ANKRD28: variants seen among roughly 807,000 people sequenced by gnomAD.
ANKRD28 encodes serine/threonine-protein phosphatase 6 regulatory ankyrin repeat subunit A.
ANKRD28 carries 44 observed loss-of-function variants against 126.5 expected under a neutral mutation model. The observed-to-expected ratio is 0.35, with a 90% CI of 0.27 to 0.45. The LOEUF is 0.45. Ranked by LOEUF, ANKRD28 falls within the 20% of genes least tolerant of loss-of-function variation. ANKRD28 has a pLI of 1.00. For synonymous variants in ANKRD28, 442 were observed against 468.5 expected, an observed-to-expected ratio of 0.94 and a Z score of 0.73; for missense variants, 1,110 against 1,316.6, an observed-to-expected ratio of 0.84 and a Z score of 2.43.
chr3:15,770,659 T>C (rs1575611748), intron 2 of ANKRD28, among the ~76,000 whole-genome samples: 2 of 152,290 alleles, frequency 1.3e-5, no homozygotes, highest in South Asian at 4.1e-4. Flanking sequence ...CAGAACACTT[T>C]TTTTCATGGT....
chr3:15,734,802 A>G (rs1181083738), intron 6 of ANKRD28, among the ~76,000 whole-genome samples: 1 of 152,192 alleles, frequency 6.6e-6, no homozygotes, highest in African/African-American at 2.4e-5. Flanking sequence ...GCAAGAACCA[A>G]TTAATGTTTC....
rs879319232 is a variant in ANKRD28 at position 15,668,355 on chromosome 3, A to AT, written c.*1914dup. ...TATGTATACTTTTAGAATCTGCTTG[A>AT]TTTTTTTTTTTTTCAAAAGGTACAA... On this transcript the variant is annotated 3_prime_UTR_variant, in exon 28 of 28. Transcript: ENST00000683139. 3,748 of 145,088 alleles carry AT rather than the reference A, an allele frequency of 0.026. 136 individuals are homozygous for AT. Among genetic ancestry groups the AT allele is most frequent in the African/African-American group, 0.082 (3,254 of 39,926 alleles). 9.0% of individuals were successfully genotyped at this position (145,088 alleles called of 1,614,324 possible).
At chr3:15,717,830 C>CGTAG (rs1264820173) in intron 8 of ANKRD28, among the ~76,000 whole-genome samples, 2 of 152,148 alleles carry the variant, frequency 1.3e-5, no homozygotes, top group African/African-American at 4.8e-5. Flanking sequence ...TTACCTCTAC[C>CGTAG]ACTTTGCAGG....
chr3:15,674,543 C>A lies in ANKRD28; in HGVS notation c.2965+1355G>T, dbSNP rs368662395. 5.3e-5 allele frequency among the ~76,000 whole-genome samples: 8 copies of A among 152,204 alleles called. No homozygotes were observed. The East Asian group carries it at 1.3e-3, about 26-fold the overall frequency. On this transcript the variant is annotated intron_variant, in intron 27 of 27. Transcript: ENST00000683139. ...TTATCAGACATCCACATGGATGTGT[C>A]AATTAGGCACGTGGATATATAGAGA...
In ANKRD28 at chr3:15,712,225, A is replaced by C; in HGVS notation, c.1191-3T>G. 6.4e-7 allele frequency: 1 copy of C among 1,572,454 alleles called. No homozygotes were observed. Among genetic ancestry groups the C allele is most frequent in the Non-Finnish European group, 8.6e-7 (1 of 1,157,514 alleles). The stretch of plus-strand genomic sequence containing the variant: ...GGAACATTCCATGTATGCCACGCCT[A>C]AAGTTAATAGAACAGGACAGTATCT... On this transcript the variant is annotated splice_polypyrimidine_tract_variant and splice_region_variant and intron_variant, in intron 10 of 27. Transcript: ENST00000683139.
At chr3:15,752,080 G>C (rs1303537125) in intron 3 of ANKRD28, among the ~76,000 whole-genome samples, 1 of 151,918 alleles carries the variant, frequency 6.6e-6, no homozygotes, top group African/African-American at 2.4e-5. Flanking sequence ...GGTTAGAAAA[G>C]CCACCTTTAT....
At chr3:15,714,743 TA>T (rs1275575840) in intron 8 of ANKRD28, 87 bp from the exon 9 acceptor site, 1 of 847,860 alleles carries the variant, frequency 1.2e-6, no homozygotes, top group Non-Finnish European at 1.7e-6. Flanking sequence ...CTTGCATCTT[TA>T]TTTTTATAAC....
intron 14 of ANKRD28, among the ~76,000 whole-genome samples, chr3:15,705,766 C>T (rs970080042): frequency 1.3e-5 from 2 of 152,122 alleles, no homozygotes; most frequent in South Asian, 4.1e-4. Context: ...TTTTGGAAGG[C>T]CAAGGTGGGC....
Position 15,796,436 on chromosome 3 carries a change from GATTT to G in ANKRD28, c.82_85del (p.Lys28ProfsTer29), listed in dbSNP as rs1171101749. The G allele has an allele frequency of 7.8e-7, 1 of 1,288,002 alleles. No homozygotes were observed. The highest frequency in any genetic ancestry group is 2.3e-5 in the Admixed American group (1 of 43,466). The allele number at this position is 1,288,002 out of a possible 1,614,324, so 79.8% of individuals were successfully genotyped here. Reference sequence around the variant, plus strand: ...ATTTCCAGAAGGTGGAGAATGTAGGGATTTATTTTCCTGTGGCAATTTAGAAATG... The same window carrying G: ...ATTTCCAGAAGGTGGAGAATGTAGGGATTTTCCTGTGGCAATTTAGAAATG... On this transcript the variant is annotated frameshift_variant, in exon 1 of 28. Coordinates refer to ENST00000683139, the MANE Select transcript of ANKRD28 (RefSeq NM_001349278.2). LOFTEE classifies it high-confidence loss of function.
Position 15,797,569 on chromosome 3 carries a change from A to AAGG in ANKRD28, c.-1049_-1048insCCT, listed in dbSNP as rs1553639205. The AAGG allele has an allele frequency of 1.0e-5, 10 of 981,258 alleles. No individual in the cohort carries two copies. The African/African-American group carries it at 1.6e-4, about 16-fold the overall frequency. The allele number at this position is 981,258 out of a possible 1,614,324, so 60.8% of individuals were successfully genotyped here. ...CTTTTTGTTTTCTTTAAAAAAAAAA[A>AAGG]GGGGGGGGAAAAACATAGTAGTGTA... On this transcript the variant is annotated 5_prime_UTR_variant, in exon 1 of 28. Transcript: ENST00000683139.
intron 16 of ANKRD28, 55 bp downstream of exon 16, chr3:15,695,133 G>A: frequency 7.3e-7 from 1 of 1,372,130 alleles, no homozygotes. Flanking sequence ...AAACATAACT[G>A]GTAGGAGGGA....
Position 15,833,832 on chromosome 3 carries a change from C to T in ANKRD28, c.27+25545G>A, listed in dbSNP as rs1256003963. On this transcript the variant is annotated intron_variant, in intron 1 of 27. Coordinates refer to the ANKRD28 transcript ENST00000399451. This position sits in a 1 kb window ranked among gnomAD's most constrained non-coding sequence, Gnocchi z 4.4. ...GGCATAAGTGGATTAATTTGTATTT[C>T]TTTTATGACTAATGATGTTGAGGAT... Among the ~76,000 whole-genome samples the T allele has an allele frequency of 2.0e-5, 3 of 151,964 alleles. No individual in the cohort carries two copies. Among genetic ancestry groups the T allele is most frequent in the Admixed American group, 2.0e-4 (3 of 15,244 alleles).
Position 15,841,240 on chromosome 3 carries a change from T to A in ANKRD28, c.27+18137A>T, listed in dbSNP as rs747036265. Reference sequence around the variant, plus strand: ...AATCCAAGACCTCAAACTATGAAACTACTGAAAGAAAACATCTGGGACACT... The same window carrying A: ...AATCCAAGACCTCAAACTATGAAACAACTGAAAGAAAACATCTGGGACACT... On this transcript the variant is annotated intron_variant, in intron 1 of 27. Coordinates refer to the ANKRD28 transcript ENST00000399451. Among the ~76,000 whole-genome samples the A allele has an allele frequency of 2.0e-5, 3 of 152,156 alleles. 1 individual carries two copies. The South Asian group carries it at 6.2e-4, about 31-fold the overall frequency.
intron 7 of ANKRD28, among the ~76,000 whole-genome samples, chr3:15,722,082 T>C (rs1213503702): frequency 2.0e-5 from 3 of 152,166 alleles, no homozygotes; most frequent in African/African-American, 7.2e-5. Context: ...GAATAGTTTA[T>C]ATGATTAGTG....
At chr3:15,767,887 CCAAAACAAAA>C (rs370694516) in intron 2 of ANKRD28, among the ~76,000 whole-genome samples, 3 of 150,986 alleles carry the variant, frequency 2.0e-5, no homozygotes, top group Admixed American at 6.6e-5. Context: ...GACTCTGTCA[CCAAAACAAAA>C]CAAAACAAAA....
intron 3 of ANKRD28, among the ~76,000 whole-genome samples, chr3:15,760,324 A>T (rs1403150001): frequency 1.3e-5 from 2 of 152,188 alleles, no homozygotes; most frequent in African/African-American, 4.8e-5. Context: ...CTGCGCATGT[A>T]CTCCTGAACT....
rs2060831542 is a variant in ANKRD28, at chr3:15,816,377, A to T, written c.28-21071T>A. Among the ~76,000 whole-genome samples, 1 of 152,208 alleles carries T rather than the reference A, an allele frequency of 6.6e-6. No individual in the cohort carries two copies. ...GTTTCAGGTTTCATGAAACTTACAC[A>T]AAATCTCTCATGTATTTCCTTTTCC... On this transcript the variant is annotated intron_variant, in intron 1 of 27. Transcript: ENST00000399451. This position sits in a 1 kb window ranked among gnomAD's most constrained non-coding sequence, Gnocchi z 5.0.
upstream of ANKRD28, among the ~76,000 whole-genome samples, chr3:15,798,920 T>C (rs147558909): frequency 4.2e-3 from 643 of 152,250 alleles, 4 homozygotes; most frequent in East Asian, 0.019. Flanking sequence ...ATAGTTACTT[T>C]TGAACATCTG....
At chr3:15,671,155 G>C (rs984261968) in intron 27 of ANKRD28, among the ~76,000 whole-genome samples, 2 of 152,126 alleles carry the variant, frequency 1.3e-5, no homozygotes, top group Admixed American at 6.6e-5. Flanking sequence ...CTAAGCAGAT[G>C]AACTTTAAAA....
Sources: allele counts gnomAD v4.1 joint callset (sites outside exome capture counted in the v4.1 genomes callset), GRCh38; gene constraint gnomAD v4.1.1; non-coding constraint Gnocchi (gnomAD v3.1); transcripts MANE v1.5; gene names NCBI Gene and HGNC (gene_info 2026-07-23, HGNC 2026-07-21).